Variants in CREBBP observed in about 807,000 individuals in gnomAD.
The protein encoded by CREBBP is CREB-binding protein.
In CREBBP, 19 loss-of-function variants were observed where a neutral mutation model predicts 265.0. The observed-to-expected ratio is 0.07, with a 90% CI of 0.05 to 0.11. CREBBP has a LOEUF of 0.11. Among genes scored for constraint, CREBBP ranks in the 10% least tolerant of loss-of-function variants. The probability of loss-of-function intolerance (pLI) is 1.00; values close to 1 mark genes in which losing one functional copy is unlikely to be tolerated. For synonymous variants in CREBBP, 1,457 were observed against 1,223.7 expected (o/e 1.19, Z -3.98); for missense variants, 2,525 against 3,219.0 (o/e 0.78, Z 5.22).
intron 19 of CREBBP, among the ~76,000 whole-genome samples, chr16:3,754,810 G>A (rs1031208125): frequency 3.9e-5 from 6 of 152,258 alleles, no homozygotes; most frequent in Admixed American, 3.9e-4. Flanking sequence ...ATGATCTGTA[G>A]GATTTTTTAT....
intron 8 of CREBBP, among the ~76,000 whole-genome samples, chr16:3,780,177 G>T (rs1049678975): frequency 6.6e-6 from 1 of 150,576 alleles, no homozygotes; most frequent in African/African-American, 2.5e-5. Flanking sequence ...GGGAGGCGGA[G>T]GTTGCAGTGA....
chr16:3,739,894 G>A, intron 24 of CREBBP, among the ~76,000 whole-genome samples, 170 bp from the exon 25 acceptor site: 1 of 152,202 alleles, frequency 6.6e-6, no homozygotes, highest in East Asian at 1.9e-4. Context: ...CCCGGAGCAG[G>A]GAGCACTTGC....
At chr16:3,809,637 TTA>T (rs896518811) in intron 3 of CREBBP, among the ~76,000 whole-genome samples, 1 of 152,190 alleles carries the variant, frequency 6.6e-6, no homozygotes, top group Non-Finnish European at 1.5e-5. Flanking sequence ...GTAAGCAATG[TTA>T]ATTACTTAGT....
rs531539047 is a variant in CREBBP, at chr16:3,778,056, C to A, written c.2068G>T (p.Ala690Ser). ...GNQPALPAPG[A>S]QPPVIPQAQP... ...GCCTGTGGAATCACAGGGGGCTGAG[C>A]CCCCGGGGCTGGTAAGGCTGGCTGG... is the stretch of plus-strand genomic sequence containing the variant. Residue 690 changes from alanine to serine, a missense_variant, in exon 10 of 31, where the codon GCT becomes TCT. Physicochemically the swap from Ala to Ser is moderately conservative, Grantham distance 99. Transcript: ENST00000262367. 438 of 1,614,160 alleles carry A rather than the reference C, an allele frequency of 2.7e-4. 3 individuals carry two copies. The South Asian group carries it at 4.4e-3, about 16-fold the overall frequency.
At chr16:3,879,782 G>A (rs1207865121) in intron 1 of CREBBP, 50 bp downstream of exon 1, 3 of 1,530,038 alleles carry the variant, frequency 2.0e-6, no homozygotes, top group Non-Finnish European at 2.7e-6. Context: ...TCTTTCAGGT[G>A]GGGGTGACAG....
In CREBBP at chr16:3,770,768, AGAC is replaced by A. The variant is rs752216328; in HGVS notation, c.2679_2681del (p.Ser895del). ...GAGTCGGGGTGGGAGTCTGCCCGGA[AGAC>A]GACACAGGAGTTGATGGCTGAGTGG... On this transcript the variant is annotated inframe_deletion, in exon 14 of 31. Coordinates refer to ENST00000262367, the MANE Select transcript of CREBBP (RefSeq NM_004380.3). The A allele has an allele frequency of 6.2e-7, 1 of 1,614,110 alleles. No homozygotes were observed. Among genetic ancestry groups the A allele is most frequent in the Non-Finnish European group, 8.5e-7 (1 of 1,180,022 alleles).
chr16:3,773,404 T>C (rs1259483711), intron 13 of CREBBP, among the ~76,000 whole-genome samples: 2 of 152,188 alleles, frequency 1.3e-5, no homozygotes, highest in African/African-American at 4.8e-5. Context: ...ACTCGCTTTT[T>C]AAAATCCTAA....
At chr16:3,871,075 AGG>A (rs2055284581) in intron 1 of CREBBP, among the ~76,000 whole-genome samples, 1 of 151,758 alleles carries the variant, frequency 6.6e-6, no homozygotes, top group Non-Finnish European at 1.5e-5. Flanking sequence ...GAAGGAAGGA[AGG>A]AAAAGAGAAA....
intron 1 of CREBBP, among the ~76,000 whole-genome samples, chr16:3,867,536 T>A (rs746039282): frequency 6.6e-6 from 1 of 151,938 alleles, no homozygotes; most frequent in Non-Finnish European, 1.5e-5. Flanking sequence ...TTATATAACA[T>A]AGAGAAAACA....
chr16:3,780,478 G>A (rs1328252960), intron 8 of CREBBP, among the ~76,000 whole-genome samples: 1 of 152,164 alleles, frequency 6.6e-6, no homozygotes, highest in Non-Finnish European at 1.5e-5. Flanking sequence ...TTGCCTCGGT[G>A]ATAGGGGCTG....
chr16:3,840,529 G>C (rs1381442855), intron 2 of CREBBP: 1 of 156,302 alleles, frequency 6.4e-6, no homozygotes, highest in Non-Finnish European at 1.4e-5. Flanking sequence ...AGACACAATG[G>C]ACCCATCACA....
intron 1 of CREBBP, among the ~76,000 whole-genome samples, chr16:3,861,222 T>C (rs1001237131): frequency 6.6e-6 from 1 of 152,166 alleles, no homozygotes; most frequent in South Asian, 2.1e-4. Context: ...TGAGCCGAGA[T>C]CGCGCCATTG....
chr16:3,768,413 C>A (rs1006012079), intron 15 of CREBBP, among the ~76,000 whole-genome samples: 4 of 152,078 alleles, frequency 2.6e-5, no homozygotes, highest in Non-Finnish European at 4.4e-5. Context: ...TCCCAAAGTG[C>A]TGGGATTACA....
At chr16:3,864,462 T>C (rs964236897) in intron 1 of CREBBP, among the ~76,000 whole-genome samples, 5 of 152,008 alleles carry the variant, frequency 3.3e-5, no homozygotes, top group African/African-American at 7.2e-5. Context: ...CTGGGCAACA[T>C]AGCGAAACCC....
chr16:3,849,423 GTGT>G (rs2054746184), intron 2 of CREBBP, among the ~76,000 whole-genome samples: 7 of 9,852 alleles, frequency 7.1e-4, no homozygotes, highest in Admixed American at 2.0e-3. Context: ...GTGTGTGTGT[GTGT>G]GTGTGTGTGT....
At chr16:3,853,961 AACACACACAC>A (rs371504662) in intron 1 of CREBBP, among the ~76,000 whole-genome samples, 2 of 145,132 alleles carry the variant, frequency 1.4e-5, no homozygotes, top group South Asian at 2.1e-4. Flanking sequence ...CAAACAAACA[AACACACACAC>A]ACACACACAC....
chr16:3,761,858 G>C (rs1445795073), intron 16 of CREBBP, among the ~76,000 whole-genome samples: 1 of 152,190 alleles, frequency 6.6e-6, no homozygotes, highest in Non-Finnish European at 1.5e-5. Flanking sequence ...CTTTTTATGA[G>C]AAAACAATTA....
chr16:3,744,970 T>C lies in CREBBP; in HGVS notation c.3915-9A>G, dbSNP rs748754423. Reference sequence around the variant, plus strand: ...AGTTGTCGCACACAAAACTGCAAAATAATAGTGGTATGATGAGACTGTATA... The same window carrying C: ...AGTTGTCGCACACAAAACTGCAAAACAATAGTGGTATGATGAGACTGTATA... On this transcript the variant is annotated splice_polypyrimidine_tract_variant and intron_variant, in intron 22 of 30. Coordinates refer to ENST00000262367, the MANE Select transcript of CREBBP (RefSeq NM_004380.3). 5 of 1,601,386 alleles carry C rather than the reference T, an allele frequency of 3.1e-6. No individual in the cohort carries two copies. The highest frequency in any genetic ancestry group is 2.2e-5 in the East Asian group (1 of 44,834).
intron 2 of CREBBP, among the ~76,000 whole-genome samples, chr16:3,821,205 G>T (rs553032611): frequency 6.6e-6 from 1 of 152,164 alleles, no homozygotes; most frequent in African/African-American, 2.4e-5. Context: ...AAAATCTGAT[G>T]ACATTTTTTA....
Sources: gnomAD v4.1 joint callset for allele counts (sites outside exome capture counted in the v4.1 genomes callset) on GRCh38, gnomAD v4.1.1 for gene constraint, MANE v1.5 for transcripts, NCBI Gene and HGNC (gene_info 2026-07-23, HGNC 2026-07-21) for gene names.